EXOC4: variants seen among roughly 807,000 people sequenced by gnomAD.
The protein encoded by EXOC4 is SEC8-like 1.
A neutral mutation model predicts 107.2 loss-of-function variants in EXOC4; 71 were observed. That is an observed-to-expected ratio of 0.66 (90% CI 0.55 to 0.81). EXOC4 has a LOEUF of 0.81. Ranked by LOEUF, EXOC4 falls within the 30% of genes least tolerant of loss-of-function variation. The pLI, the probability that EXOC4 is intolerant of heterozygous loss-of-function variation, is 0.00. For synonymous variants in EXOC4, 456 were observed against 441.2 expected (o/e 1.03, Z -0.42); for missense variants, 1,108 against 1,189.6 (o/e 0.93, Z 1.01).
chr7:133,735,186 C>T (rs1795414388), intron 10 of EXOC4, among the ~76,000 whole-genome samples: 1 of 118,332 alleles, frequency 8.5e-6, no homozygotes, highest in Non-Finnish European at 1.6e-5. Context: ...AGCCACTGCA[C>T]ACCAGCCTGG....
chr7:133,627,741 A>G (rs982550539), intron 9 of EXOC4, among the ~76,000 whole-genome samples: 2 of 152,216 alleles, frequency 1.3e-5, no homozygotes, highest in East Asian at 3.9e-4. Context: ...CAGCACCTTC[A>G]TATCTCTGAT....
chr7:134,019,978 A>C (rs1794992163), intron 17 of EXOC4, among the ~76,000 whole-genome samples: 1 of 152,070 alleles, frequency 6.6e-6, no homozygotes, highest in Non-Finnish European at 1.5e-5. Flanking sequence ...TCAGGTGTTC[A>C]TGCTGCTTGT....
intron 10 of EXOC4, among the ~76,000 whole-genome samples, chr7:133,706,597 C>T (rs1585092372): frequency 2.0e-5 from 3 of 152,238 alleles, no homozygotes; most frequent in Middle Eastern, 3.4e-3. Flanking sequence ...TTTTATTGCA[C>T]CCAGTACATC....
chr7:133,649,461 C>CATTT (rs143372486), intron 10 of EXOC4, among the ~76,000 whole-genome samples: 38 of 141,874 alleles, frequency 2.7e-4, no homozygotes, highest in Non-Finnish European at 5.4e-4. Flanking sequence ...AGCATTACTA[C>CATTT]TTTTTCTTTT....
chr7:133,573,193 A>G (rs796224965), intron 9 of EXOC4, among the ~76,000 whole-genome samples: 3 of 152,334 alleles, frequency 2.0e-5, no homozygotes, highest in African/African-American at 7.2e-5. Context: ...AAAAAATACT[A>G]ATCTGTGATA....
intron 14 of EXOC4, among the ~76,000 whole-genome samples, chr7:133,976,362 G>A (rs896898505): frequency 6.6e-6 from 1 of 152,224 alleles, no homozygotes; most frequent in African/African-American, 2.4e-5. Flanking sequence ...GCGTCAGATG[G>A]CATCTGGCTT....
intron 2 of EXOC4, 45 bp from the exon 3 acceptor site, chr7:133,288,877 G>T: frequency 6.4e-7 from 1 of 1,555,914 alleles, no homozygotes; most frequent in South Asian, 1.1e-5. Flanking sequence ...GGTTTAGACT[G>T]GCAAGACTTT....
chr7:133,980,444 G>A lies in EXOC4; in HGVS notation c.2207-17048G>A, dbSNP rs77334946. 6.1e-3 allele frequency among the ~76,000 whole-genome samples: 930 copies of A among 152,292 alleles called. 3 individuals carry two copies. Among genetic ancestry groups the A allele is most frequent in the Middle Eastern group, 0.01 (3 of 294 alleles). On this transcript the variant is annotated intron_variant, in intron 14 of 17. Coordinates refer to ENST00000253861, the MANE Select transcript of EXOC4 (RefSeq NM_021807.4). ...TTGAATCCTTACAATGACCCTTTGA[G>A]GCTGAAAATGTAGTCACTTCAATAA...
At chr7:133,685,870 C>T (rs148270403) in intron 10 of EXOC4, among the ~76,000 whole-genome samples, 9 of 152,228 alleles carry the variant, frequency 5.9e-5, no homozygotes, top group African/African-American at 2.2e-4. Context: ...TCTCATCCCT[C>T]ACCTGCCTCT....
intron 10 of EXOC4, among the ~76,000 whole-genome samples, chr7:133,651,110 C>T (rs1277858395): frequency 6.6e-6 from 1 of 151,824 alleles, no homozygotes; most frequent in Admixed American, 6.6e-5. Flanking sequence ...ACCACATATC[C>T]CCCAGTTTCT....
chr7:133,364,091 C>T (rs1192898240), intron 6 of EXOC4, among the ~76,000 whole-genome samples: 1 of 152,002 alleles, frequency 6.6e-6, no homozygotes, highest in Non-Finnish European at 1.5e-5. Flanking sequence ...TTTGTGTTTG[C>T]AGCCTGATTT....
chr7:134,058,451 G>A (rs1795980495), intron 17 of EXOC4, among the ~76,000 whole-genome samples: 1 of 152,088 alleles, frequency 6.6e-6, no homozygotes, highest in South Asian at 2.1e-4. Flanking sequence ...CCAACTTGAA[G>A]GGGCAAAAAG....
chr7:133,491,748 T>TACAGAAGAGAAAACACTTA (rs1207118152), intron 9 of EXOC4, among the ~76,000 whole-genome samples: 1 of 151,672 alleles, frequency 6.6e-6, no homozygotes, highest in Non-Finnish European at 1.5e-5. Flanking sequence ...CTTTGGGGAG[T>TACAGAAGAGAAAACACTTA]ACAGAAGAGA....
At chr7:133,833,928 C>G (rs925215801) in intron 11 of EXOC4, among the ~76,000 whole-genome samples, 1 of 152,034 alleles carries the variant, frequency 6.6e-6, no homozygotes, top group Admixed American at 6.6e-5. Context: ...CACTTATATA[C>G]CAGTTATTGG....
rs372031553 is a variant in EXOC4, at chr7:133,917,610, T to C, written c.1899T>C (p.Leu633=). 1.2e-6 allele frequency: 2 copies of C among 1,614,048 alleles called. No homozygotes were observed. Among genetic ancestry groups the C allele is most frequent in the Non-Finnish European group, 1.7e-6 (2 of 1,179,992 alleles). The change falls in exon 13 of 18, where the codon CTT becomes CTC. Residue 633 remains leucine, a synonymous_variant. Coordinates refer to ENST00000253861, the MANE Select transcript of EXOC4 (RefSeq NM_021807.4). ...YRGIVQSEEK[L]VISASWAKDD... ...GTATTGTCCAGTCAGAAGAAAAACTTGTCATCAGTGCATCCTGGGCAAAAG... is the reference window on the plus strand; with the variant it reads ...GTATTGTCCAGTCAGAAGAAAAACTCGTCATCAGTGCATCCTGGGCAAAAG...
At position 133,327,381 on chromosome 7, in the gene EXOC4, A is replaced by G. The variant is rs1010504424; in HGVS notation, c.763+9991A>G. Among the ~76,000 whole-genome samples, 8 of 152,282 alleles carry G rather than the reference A, an allele frequency of 5.3e-5. No individual in the cohort carries two copies. In the East Asian group the frequency reaches 1.5e-3, roughly 29 times the overall value. The stretch of plus-strand genomic sequence containing the variant: ...CCTATTTTGTTAAACTTTTCCAAAA[A>G]CCAGCTCCTGGATTCATTGATTTTT... On this transcript the variant is annotated intron_variant, in intron 5 of 17. Transcript: ENST00000253861.
At chr7:133,381,510 C>G (rs1429851822) in intron 7 of EXOC4, among the ~76,000 whole-genome samples, 1 of 151,872 alleles carries the variant, frequency 6.6e-6, no homozygotes, top group Non-Finnish European at 1.5e-5. Context: ...ATAGTATTTG[C>G]AAGTGGCAAA....
chr7:134,092,335 T>C, the EXOC4 span, among the ~76,000 whole-genome samples: 3 of 152,006 alleles, frequency 2.0e-5, no homozygotes, highest in Non-Finnish European at 4.4e-5. Context: ...ACTTATGAGA[T>C]GCACACAGAA....
chr7:133,570,986 C>T (rs894366420), intron 9 of EXOC4, among the ~76,000 whole-genome samples: 1 of 152,196 alleles, frequency 6.6e-6, no homozygotes, highest in Non-Finnish European at 1.5e-5. Context: ...GGTATCCCAT[C>T]TTTACTCCTG....
Sources: allele counts gnomAD v4.1 joint callset (sites outside exome capture counted in the v4.1 genomes callset), GRCh38; gene constraint gnomAD v4.1.1; transcripts MANE v1.5; gene names NCBI Gene and HGNC (gene_info 2026-07-23, HGNC 2026-07-21).